LDAH: variants seen among roughly 807,000 people sequenced by gnomAD.
LDAH encodes lipid droplet-associated hydrolase.
In LDAH, 26 loss-of-function variants were observed where a neutral mutation model predicts 29.6. The ratio of observed to expected loss-of-function variants is 0.88; its 90% confidence interval spans 0.64 to 1.22. The LOEUF is 1.22. Among genes scored for constraint, LDAH ranks in the 50% most tolerant of loss-of-function variants. The probability of loss-of-function intolerance (pLI) is 0.00; values close to 1 mark genes in which losing one functional copy is unlikely to be tolerated. For synonymous variants in LDAH, 117 were observed against 133.0 expected (o/e 0.88, Z 0.83); for missense variants, 344 against 387.3 (o/e 0.89, Z 0.94).
At chr2:20,706,085 C>G (rs1035742761) in intron 5 of LDAH, among the ~76,000 whole-genome samples, 1 of 152,152 alleles carries the variant, frequency 6.6e-6, no homozygotes, top group African/African-American at 2.4e-5. Context: ...CCACATATGG[C>G]TAATGTCTAC....
chr2:20,684,978 G>C lies in LDAH; in HGVS notation c.*1925C>G, dbSNP rs1472045155. 2 of 1,546,844 alleles carry C rather than the reference G, an allele frequency of 1.3e-6. No individual in the cohort carries two copies. Among genetic ancestry groups the C allele is most frequent in the Non-Finnish European group, 1.7e-6 (2 of 1,145,252 alleles). ...TTTCACTTTAAAAGAGAGACTTTGA[G>C]CCGAGTCTAACTCAGGAGAACTGCT... On this transcript the variant is annotated 3_prime_UTR_variant, in exon 7 of 7. Transcript: ENST00000237822.
chr2:20,801,487 G>T, intron 1 of LDAH, 22 bp from the exon 2 acceptor site: 1 of 1,599,474 alleles, frequency 6.3e-7, no homozygotes, highest in Non-Finnish European at 8.6e-7. Context: ...GAGAAAAGTA[G>T]TATGAAGAGT....
At chr2:20,753,939 A>T (rs539590751) in intron 4 of LDAH, among the ~76,000 whole-genome samples, 1 of 152,230 alleles carries the variant, frequency 6.6e-6, no homozygotes. Flanking sequence ...TCCGAAATTC[A>T]TAAGTCCATG....
intron 3 of LDAH, among the ~76,000 whole-genome samples, chr2:20,778,407 C>A (rs1330833362): frequency 6.6e-6 from 1 of 152,072 alleles, no homozygotes; most frequent in Non-Finnish European, 1.5e-5. Context: ...TCTAATCGTT[C>A]AAATTTGCTG....
chr2:20,819,726 C>T (rs910386291), intron 1 of LDAH, among the ~76,000 whole-genome samples: 2 of 152,182 alleles, frequency 1.3e-5, no homozygotes, highest in Non-Finnish European at 2.9e-5. Context: ...CCCTCTCTCA[C>T]CACTCCTATT....
At chr2:20,747,696 G>A (rs1231541870) in intron 4 of LDAH, among the ~76,000 whole-genome samples, 1 of 152,130 alleles carries the variant, frequency 6.6e-6, no homozygotes, top group African/African-American at 2.4e-5. Flanking sequence ...TTTCTACTCT[G>A]TCTTAAAAAC....
chr2:20,760,184 G>C (rs1668586008), intron 4 of LDAH, among the ~76,000 whole-genome samples: 2 of 152,138 alleles, frequency 1.3e-5, no homozygotes, highest in African/African-American at 4.8e-5. Flanking sequence ...GAGTGGAGTA[G>C]GAAGAGTGGG....
At chr2:20,788,541 T>C (rs1431418312) in intron 3 of LDAH, among the ~76,000 whole-genome samples, 2 of 152,200 alleles carry the variant, frequency 1.3e-5, no homozygotes, top group Non-Finnish European at 2.9e-5. Flanking sequence ...GAATCATGCA[T>C]ATATAATAAC....
At chr2:20,783,532 A>G (rs567421888) in intron 3 of LDAH, among the ~76,000 whole-genome samples, 68 of 152,296 alleles carry the variant, frequency 4.5e-4, no homozygotes, top group African/African-American at 1.5e-3. Flanking sequence ...TATTATCATT[A>G]TGTAATGCTC....
chr2:20,749,890 G>T (rs1667840567), intron 4 of LDAH, among the ~76,000 whole-genome samples: 1 of 152,120 alleles, frequency 6.6e-6, no homozygotes, highest in African/African-American at 2.4e-5. Flanking sequence ...TCTGAAGGGG[G>T]TTTCCTCCTC....
chr2:20,759,312 A>G (rs1182471304), intron 4 of LDAH, among the ~76,000 whole-genome samples: 1 of 152,274 alleles, frequency 6.6e-6, no homozygotes, highest in Middle Eastern at 3.4e-3. Flanking sequence ...TTATGTATCA[A>G]TACACCTTCC....
At chr2:20,683,990 G>C (rs1309843953), downstream of LDAH, 1 of 152,140 alleles carries the variant, frequency 6.6e-6, no homozygotes, top group Non-Finnish European at 1.5e-5. Context: ...TAGCCTTTTT[G>C]GAAAAGAAGC....
chr2:20,815,073 C>T (rs1282269993), intron 1 of LDAH, among the ~76,000 whole-genome samples: 1 of 152,042 alleles, frequency 6.6e-6, no homozygotes, highest in African/African-American at 2.4e-5. Context: ...TTGAAAGTAG[C>T]TCTCCTTGAA....
intron 5 of LDAH, among the ~76,000 whole-genome samples, chr2:20,739,183 C>T (rs1667008785): frequency 1.3e-5 from 2 of 152,142 alleles, no homozygotes; most frequent in Non-Finnish European, 2.9e-5. Flanking sequence ...TAGAAAGTGC[C>T]ATCAGCTACT....
chr2:20,793,042 A>G (rs1671079544), intron 2 of LDAH, among the ~76,000 whole-genome samples: 1 of 152,108 alleles, frequency 6.6e-6, no homozygotes, highest in Non-Finnish European at 1.5e-5. Context: ...TGATGATGCC[A>G]ATTACTTATG....
intron 3 of LDAH, chr2:20,789,044 A>G: frequency 1.5e-6 from 2 of 1,340,528 alleles, no homozygotes; most frequent in South Asian, 2.7e-5. Context: ...TAGCAGTAAC[A>G]TCGCTATTAA....
chr2:20,778,404 G>A (rs901130802), intron 3 of LDAH, among the ~76,000 whole-genome samples: 11 of 152,014 alleles, frequency 7.2e-5, no homozygotes, highest in African/African-American at 7.3e-5. Context: ...TTGTCTAATC[G>A]TTCAAATTTG....
At chr2:20,741,515 G>C (rs1667175109) in intron 4 of LDAH, among the ~76,000 whole-genome samples, 1 of 152,094 alleles carries the variant, frequency 6.6e-6, no homozygotes, top group South Asian at 2.1e-4. Context: ...TTGTTATAAA[G>C]GCTGTTTTTG....
At chr2:20,755,129 T>TTGTG (rs70939051) in intron 4 of LDAH, among the ~76,000 whole-genome samples, 1,207 of 118,268 alleles carry the variant, frequency 0.01, 10 homozygotes, top group African/African-American at 0.027. Context: ...GTGTCTGTGT[T>TTGTG]TGTGTGTGTG....
Sources: allele counts gnomAD v4.1 joint callset (sites outside exome capture counted in the v4.1 genomes callset), GRCh38; gene constraint gnomAD v4.1.1; transcripts MANE v1.5; gene names NCBI Gene and HGNC (gene_info 2026-07-23, HGNC 2026-07-21).